The following CERS6 variants were observed in gnomAD, a reference collection of about 807,000 sequenced individuals.
CERS6 encodes ceramide synthase 6.
In CERS6, 26 loss-of-function variants were observed where a neutral mutation model predicts 56.8. The ratio of observed to expected loss-of-function variants is 0.46; its 90% CI spans 0.34 to 0.63. The LOEUF (loss-of-function observed/expected upper bound fraction) is 0.63, where lower values mean the gene tolerates loss of function less well. CERS6 is among the 30% of genes least tolerant of loss of function. CERS6 has a pLI of 0.01. For missense variants in CERS6, 415 were observed against 467.5 expected (o/e 0.89, Z 1.04); for synonymous variants, 164 against 173.3 (o/e 0.95, Z 0.42).
intron 7 of CERS6, 32 bp from the exon 8 acceptor site, chr2:168,717,840 A>G (rs1687263751): frequency 1.3e-6 from 2 of 1,507,914 alleles, no homozygotes; most frequent in African/African-American, 1.4e-5. Flanking sequence ...CAGTTTAACT[A>G]CATTAATATA....
intron 4 of CERS6, among the ~76,000 whole-genome samples, chr2:168,667,461 A>G (rs111798275): frequency 5.3e-5 from 8 of 152,354 alleles, no homozygotes; most frequent in African/African-American, 1.9e-4. Context: ...TGAGCTATCA[A>G]TTCTGCACTC....
At chr2:168,486,099 CAT>C (rs1694269822) in intron 1 of CERS6, among the ~76,000 whole-genome samples, 1 of 152,082 alleles carries the variant, frequency 6.6e-6, no homozygotes, top group Non-Finnish European at 1.5e-5. Context: ...TTCTTAATGA[CAT>C]ATGATATTGA....
chr2:168,754,871 C>A (rs187374139), intron 8 of CERS6, among the ~76,000 whole-genome samples: 23 of 152,276 alleles, frequency 1.5e-4, no homozygotes, highest in African/African-American at 5.3e-4. Context: ...GATCCTCCTG[C>A]GCTCAAGTGA....
intron 3 of CERS6, among the ~76,000 whole-genome samples, chr2:168,580,829 T>G (rs747710747): frequency 1.2e-4 from 19 of 152,212 alleles, no homozygotes; most frequent in Non-Finnish European, 2.4e-4. Context: ...TCGCACTGTC[T>G]TCTTGCTTAC....
At chr2:168,555,722 C>CTCTCTGTGTGTG (rs1261403157) in intron 2 of CERS6, among the ~76,000 whole-genome samples, 3 of 140,920 alleles carry the variant, frequency 2.1e-5, no homozygotes, top group African/African-American at 8.3e-5. Context: ...ATAATTGACT[C>CTCTCTGTGTGTG]TGTGTGTGTG....
At chr2:168,747,181 G>A (rs1422323391) in intron 8 of CERS6, among the ~76,000 whole-genome samples, 1 of 152,058 alleles carries the variant, frequency 6.6e-6, no homozygotes, top group Non-Finnish European at 1.5e-5. Flanking sequence ...AGTTACTCAG[G>A]AGGCTGAGGT....
chr2:168,751,369 G>A (rs1384080225), intron 8 of CERS6, among the ~76,000 whole-genome samples: 1 of 152,148 alleles, frequency 6.6e-6, no homozygotes, highest in East Asian at 1.9e-4. Context: ...GGAGGTGGGT[G>A]CAAACTCTGC....
At chr2:168,590,149 G>C (rs1391585092) in intron 3 of CERS6, among the ~76,000 whole-genome samples, 12 of 152,214 alleles carry the variant, frequency 7.9e-5, no homozygotes, top group Admixed American at 7.9e-4. Flanking sequence ...CACTGCATTT[G>C]TCCAGATTAC....
At chr2:168,499,552 C>T (rs1011223617) in intron 1 of CERS6, among the ~76,000 whole-genome samples, 3 of 152,052 alleles carry the variant, frequency 2.0e-5, no homozygotes, top group Non-Finnish European at 4.4e-5. Flanking sequence ...CTTCTTGTAA[C>T]CCTTTGGCTT....
At chr2:168,692,785 A>G (rs1375427006) in intron 5 of CERS6, among the ~76,000 whole-genome samples, 1 of 152,140 alleles carries the variant, frequency 6.6e-6, no homozygotes, top group South Asian at 2.1e-4. Context: ...TAAACAGCAT[A>G]TAATTATTAT....
intron 1 of CERS6, among the ~76,000 whole-genome samples, chr2:168,478,719 C>A (rs907093499): frequency 6.6e-6 from 1 of 152,182 alleles, no homozygotes; most frequent in Non-Finnish European, 1.5e-5. Context: ...GGTTAGGCTT[C>A]AGCTATCTCC....
At chr2:168,583,976 A>G (rs983922199) in intron 3 of CERS6, among the ~76,000 whole-genome samples, 2 of 152,252 alleles carry the variant, frequency 1.3e-5, no homozygotes, top group African/African-American at 4.8e-5. Flanking sequence ...GAATGTACCA[A>G]GATCGCTTCC....
At chr2:168,648,855 G>A (rs1261675550) in intron 4 of CERS6, among the ~76,000 whole-genome samples, 1 of 152,116 alleles carries the variant, frequency 6.6e-6, no homozygotes, top group Non-Finnish European at 1.5e-5. Flanking sequence ...CCGAGCTTAT[G>A]TTTGGTATGA....
At chr2:168,466,783 C>G (rs1442684821) in intron 1 of CERS6, among the ~76,000 whole-genome samples, 1 of 152,150 alleles carries the variant, frequency 6.6e-6, no homozygotes. Context: ...ACTATTATAA[C>G]TTAGAATTCG....
intron 4 of CERS6, among the ~76,000 whole-genome samples, chr2:168,655,797 A>G (rs1169830648): frequency 6.6e-6 from 1 of 152,236 alleles, no homozygotes; most frequent in Non-Finnish European, 1.5e-5. Context: ...GACCTAATGT[A>G]TAGCATGAGG....
intron 3 of CERS6, among the ~76,000 whole-genome samples, chr2:168,565,595 GTGGAATAGCACCAGTA>G (rs1352731469): frequency 2.0e-5 from 3 of 152,204 alleles, no homozygotes; most frequent in African/African-American, 4.8e-5. Flanking sequence ...TTTCAGCAGT[GTGGAATAGCACCAGTA>G]TGCAAGCCAA....
intron 8 of CERS6, among the ~76,000 whole-genome samples, chr2:168,722,458 G>A (rs942415879): frequency 6.6e-6 from 1 of 152,000 alleles, no homozygotes; most frequent in Non-Finnish European, 1.5e-5. Context: ...TGATTTTTGT[G>A]TATGGTAGAA....
chr2:168,673,992 G>A (rs775019854), intron 4 of CERS6, among the ~76,000 whole-genome samples: 3 of 152,164 alleles, frequency 2.0e-5, no homozygotes, highest in African/African-American at 4.8e-5. Context: ...TAGGATATGA[G>A]TTTGGGAAAT....
intron 3 of CERS6, among the ~76,000 whole-genome samples, chr2:168,618,823 T>A (rs1032941731): frequency 6.6e-6 from 1 of 152,064 alleles, no homozygotes; most frequent in African/African-American, 2.4e-5. Flanking sequence ...ATCTACAAAT[T>A]CAGTGCAATT....
Sources: gnomAD v4.1 joint callset for allele counts (sites outside exome capture counted in the v4.1 genomes callset) on GRCh38, gnomAD v4.1.1 for gene constraint, MANE v1.5 for transcripts, NCBI Gene and HGNC (gene_info 2026-07-23, HGNC 2026-07-21) for gene names.